The following MYO5C variants were observed in gnomAD, a reference collection of about 807,000 sequenced individuals.
The protein encoded by MYO5C is myosin VC.
MYO5C carries 194 observed loss-of-function variants against 235.7 expected under a neutral mutation model. The observed-to-expected ratio is 0.82, with a 90% confidence interval of 0.73 to 0.93. The LOEUF (loss-of-function observed/expected upper bound fraction) is 0.93. Ranked by LOEUF, MYO5C falls within the 40% of genes least tolerant of loss-of-function variation. MYO5C has a pLI of 0.00. For synonymous variants in MYO5C, 707 were observed against 754.8 expected (o/e 0.94, Z 1.04); for missense variants, 2,038 against 2,127.2 (o/e 0.96, Z 0.82).
intron 36 of MYO5C, among the ~76,000 whole-genome samples, 157 bp downstream of exon 36, chr15:52,208,397 A>G (rs2035368812): frequency 6.6e-6 from 1 of 152,374 alleles, no homozygotes; most frequent in East Asian, 1.9e-4. Context: ...AGCTGCTTCC[A>G]GAAGTCTCCT....
At chr15:52,239,380 C>T (rs939227654) in intron 21 of MYO5C, among the ~76,000 whole-genome samples, 7 of 152,218 alleles carry the variant, frequency 4.6e-5, no homozygotes, top group Non-Finnish European at 8.8e-5. Flanking sequence ...GATGTCATCC[C>T]AAGGCAGCAC....
At chr15:52,220,863 T>C (rs562258705) in intron 30 of MYO5C, among the ~76,000 whole-genome samples, 1 of 152,116 alleles carries the variant, frequency 6.6e-6, no homozygotes, top group South Asian at 2.1e-4. Flanking sequence ...GAGATGAGGT[T>C]TCATCATATT....
chr15:52,289,566 C>G (rs1376394081), intron 1 of MYO5C, among the ~76,000 whole-genome samples: 1 of 152,176 alleles, frequency 6.6e-6, no homozygotes, highest in African/African-American at 2.4e-5. Context: ...CTGTCCGCCC[C>G]TGCCTACCAG....
At chr15:52,286,047 C>T (rs1477397379) in intron 1 of MYO5C, among the ~76,000 whole-genome samples, 1 of 152,090 alleles carries the variant, frequency 6.6e-6, no homozygotes, top group Non-Finnish European at 1.5e-5. Context: ...GCCCTGCCGC[C>T]CCGTCTGGGA....
At chr15:52,238,799 G>A (rs528312192) in intron 21 of MYO5C, among the ~76,000 whole-genome samples, 11 of 151,272 alleles carry the variant, frequency 7.3e-5, no homozygotes, top group Admixed American at 2.6e-4. Flanking sequence ...CCGCCACCAC[G>A]CCCGGCTAAT....
chr15:52,284,113 C>T (rs998647435), intron 1 of MYO5C, among the ~76,000 whole-genome samples: 12 of 151,440 alleles, frequency 7.9e-5, no homozygotes, highest in African/African-American at 2.2e-4. Flanking sequence ...GCCCCCCCCT[C>T]AAAGAATGGT....
intron 18 of MYO5C, 38 bp downstream of exon 18, chr15:52,245,316 G>A (rs1038261037): frequency 7.5e-7 from 1 of 1,340,304 alleles, no homozygotes; most frequent in Non-Finnish European, 1.1e-6. Flanking sequence ...TGTGCTTCCA[G>A]GAAGGAGACC....
chr15:52,209,369 T>C lies in MYO5C; in HGVS notation c.4297-726A>G, dbSNP rs578102069. ...GTAGAGTGATGGGTTAGAAGCCAGATTGCAAGGAGTGACAAAGAGAATTGG... is the reference window on the plus strand; with the variant it reads ...GTAGAGTGATGGGTTAGAAGCCAGACTGCAAGGAGTGACAAAGAGAATTGG... On this transcript the variant is annotated intron_variant, in intron 35 of 40. Transcript: ENST00000261839. 2.6e-5 allele frequency among the ~76,000 whole-genome samples: 4 copies of C among 152,236 alleles called. No homozygotes were observed. The East Asian group carries it at 7.7e-4, about 29-fold the overall frequency.
rs768215057 is a variant in MYO5C, at chr15:52,245,428, G to T, written c.2104C>A (p.Leu702Ile). 1.2e-6 allele frequency: 2 copies of T among 1,614,160 alleles called. No individual in the cohort carries two copies. The highest frequency in any genetic ancestry group is 1.7e-6 in the Non-Finnish European group (2 of 1,180,000). The change falls in exon 18 of 41, where the codon CTC becomes ATC. Residue 702 changes from leucine to isoleucine, a missense_variant. Transcript: ENST00000261839. The stretch of plus-strand genomic sequence containing the variant: ...AAGGAAAGCTCTTGCTTGGTCATGA[G>T]AATGCCGTAGCGACTGTAGAACTCG... ...YIEFYSRYGI[L>I]MTKQELSFSD...
intron 8 of MYO5C, 58 bp downstream of exon 8, chr15:52,269,695 T>A (rs2036879582): frequency 1.6e-5 from 4 of 246,476 alleles, no homozygotes; most frequent in Non-Finnish European, 2.7e-5. Context: ...CTGGCCTTAA[T>A]TTTTTTTTTT....
chr15:52,283,530 G>A (rs1236038536), intron 1 of MYO5C, among the ~76,000 whole-genome samples: 1 of 152,060 alleles, frequency 6.6e-6, no homozygotes, highest in African/African-American at 2.4e-5. Context: ...CAAGTCTTTA[G>A]GTAGAACCAC....
chr15:52,278,253 C>T (rs2037092617), intron 4 of MYO5C, among the ~76,000 whole-genome samples: 1 of 152,136 alleles, frequency 6.6e-6, no homozygotes. Context: ...CCCAGATCTG[C>T]CTTTTACTTG....
intron 1 of MYO5C, among the ~76,000 whole-genome samples, chr15:52,294,029 G>C (rs113011394): frequency 1.3e-5 from 2 of 152,330 alleles, no homozygotes; most frequent in Non-Finnish European, 1.5e-5. Context: ...ATCAGGCTGC[G>C]TCAGTCTCTG....
Position 52,237,590 on chromosome 15 carries a change from A to T in MYO5C, c.2760T>A (p.Ala920=). The T allele has an allele frequency of 6.2e-7, 1 of 1,614,058 alleles. No individual in the cohort carries two copies. The highest frequency in any genetic ancestry group is 8.5e-7 in the Non-Finnish European group (1 of 1,180,026). The change falls in exon 22 of 41, where the codon GCT becomes GCA. Residue 920 remains alanine, a synonymous_variant. Transcript: ENST00000261839. ...GCTTCTGAATCTTTTCCACATCCCC[A>T]GCTCGAAGAGCAGCCAGGCTAGTCA... is the stretch of plus-strand genomic sequence containing the variant. ...EKLTSLAALR[A]GDVEKIQKLE... is the part of the protein sequence containing the mutation.
chr15:52,249,884 A>T (rs1376934148), intron 13 of MYO5C, among the ~76,000 whole-genome samples: 5 of 152,194 alleles, frequency 3.3e-5, no homozygotes. Context: ...GGCCAATGAG[A>T]TTGAAAACCT....
intron 10 of MYO5C, among the ~76,000 whole-genome samples, chr15:52,257,787 C>G (rs2036613983): frequency 6.6e-6 from 1 of 152,230 alleles, no homozygotes; most frequent in South Asian, 2.1e-4. Context: ...GCCTCCAAAG[C>G]TTTGTTCTTA....
rs746518321 is a variant in MYO5C, at chr15:52,219,835, G to A, written c.3722-13C>T. ...TCTTCTAGTTTTCCTATAATGAGAA[G>A]AACTGTCAGTACTTTGGGGGGGCAC... On this transcript the variant is annotated splice_polypyrimidine_tract_variant and intron_variant, in intron 30 of 40. Coordinates refer to ENST00000261839, the MANE Select transcript of MYO5C (RefSeq NM_018728.4). The A allele has an allele frequency of 1.7e-5, 27 of 1,603,172 alleles. No homozygotes were observed. In the Admixed American group the frequency reaches 4.5e-4, roughly 27 times the overall value.
chr15:52,245,972 G>A lies in MYO5C; in HGVS notation c.2050C>T (p.Gln684Ter), dbSNP rs765244762. 6.2e-7 allele frequency: 1 copy of A among 1,614,014 alleles called. No individual in the cohort carries two copies. Among genetic ancestry groups the A allele is most frequent in the Admixed American group, 1.7e-5 (1 of 60,004 alleles). Residue 684 changes from glutamine (Q) to a stop codon, truncating the protein, a stop_gained, in exon 17 of 41, where the codon CAG becomes TAG. Transcript: ENST00000261839. LOFTEE classifies it high-confidence loss of function. ...ACAACATACCTGGAAGGGTAGCTCT[G>A]TGCACTAATGCGAATCGTTTCTAAA... ...GVLETIRISA[Q>*]SYPSRWTYIE...
Position 52,279,556 on chromosome 15 carries a change from T to C in MYO5C, c.257A>G (p.Asn86Ser). 1 of 1,614,036 alleles carries C rather than the reference T, an allele frequency of 6.2e-7. No individual in the cohort carries two copies. The highest frequency in any genetic ancestry group is 8.5e-7 in the Non-Finnish European group (1 of 1,179,904). Residue 86 changes from asparagine to serine, a missense_variant, in exon 3 of 41, where the codon AAC becomes AGC. Coordinates refer to ENST00000261839, the MANE Select transcript of MYO5C (RefSeq NM_018728.4). The stretch of plus-strand genomic sequence containing the variant: ...GGATTCTGCAAAGCGGATTCTGAGG[T>C]TGTGGAGCACCGCGGGCTCGTGAAG... Reference protein sequence around the residue: ...SYLHEPAVLHNLRIRFAESKL... With the variant: ...SYLHEPAVLHSLRIRFAESKL...
Sources: gnomAD v4.1 joint callset for allele counts (sites outside exome capture counted in the v4.1 genomes callset) on GRCh38, gnomAD v4.1.1 for gene constraint, MANE v1.5 for transcripts, NCBI Gene and HGNC (gene_info 2026-07-23, HGNC 2026-07-21) for gene names.